The following NPHP4 variants were observed in gnomAD, a reference collection of about 807,000 sequenced individuals.
NPHP4 encodes nephrocystin 4, also known as nephrocystin-4.
Under a neutral mutation model 155.8 loss-of-function variants are expected in NPHP4, and 151 were observed. The observed-to-expected ratio is 0.97, with a 90% CI of 0.85 to 1.11. The LOEUF (loss-of-function observed/expected upper bound fraction) is 1.11, where lower values mean the gene tolerates loss of function less well. Among genes scored for constraint, NPHP4 ranks in the 50% least tolerant of loss-of-function variants. The pLI is 0.00. For synonymous variants in NPHP4, 845 were observed against 816.8 expected, an observed-to-expected ratio of 1.03 and a Z score of -0.59; for missense variants, 1,956 against 1,925.7, an observed-to-expected ratio of 1.02 and a Z score of -0.29.
Position 5,889,484 on chromosome 1 carries a change from G to A in NPHP4, c.2304+1384C>T, listed in dbSNP as rs1644001487. ...TGTTTAAGGGGCTCTTCGTGTAGGG[G>A]GAGATCAAATGGCTTCCGTCTCCAG... On this transcript the variant is annotated intron_variant, in intron 17 of 29. Transcript: ENST00000378156. The surrounding 1 kb of genome is among the most constrained non-coding windows in gnomAD (Gnocchi z 4.2). Among the ~76,000 whole-genome samples the A allele has an allele frequency of 6.6e-6, 1 of 151,830 alleles. No homozygotes were observed.
intron 6 of NPHP4, 39 bp downstream of exon 6, chr1:5,961,755 C>T (rs1650367813): frequency 6.3e-7 from 1 of 1,590,236 alleles, no homozygotes; most frequent in Non-Finnish European, 8.6e-7. Flanking sequence ...CTAGGACAGA[C>T]TCACCTCACC....
intron 9 of NPHP4, among the ~76,000 whole-genome samples, chr1:5,936,725 A>T (rs1300344371): frequency 6.6e-6 from 1 of 152,236 alleles, no homozygotes; most frequent in Admixed American, 6.5e-5. Flanking sequence ...CCGCTCACAG[A>T]AAACAGGCCC....
At chr1:5,964,943 T>TATA (rs1429197471) in intron 5 of NPHP4, among the ~76,000 whole-genome samples, 1 of 52,434 alleles carries the variant, frequency 1.9e-5, no homozygotes, top group Non-Finnish European at 4.0e-5. Flanking sequence ...ATATATATAT[T>TATA]TTTTTTTTTT....
At chr1:5,961,757 C>A (rs3747986) in intron 6 of NPHP4, 37 bp downstream of exon 6, 3 of 1,591,520 alleles carry the variant, frequency 1.9e-6, no homozygotes, top group Non-Finnish European at 2.6e-6. Flanking sequence ...AGGACAGACT[C>A]ACCTCACCAA....
chr1:5,945,631 C>T (rs1190373255), intron 9 of NPHP4, among the ~76,000 whole-genome samples: 1 of 152,176 alleles, frequency 6.6e-6, no homozygotes, highest in Non-Finnish European at 1.5e-5. Flanking sequence ...ACCCTAAGAC[C>T]GTCCTCAGCA....
chr1:5,918,294 A>C (rs576651608), intron 11 of NPHP4, among the ~76,000 whole-genome samples: 2 of 152,356 alleles, frequency 1.3e-5, no homozygotes, highest in African/African-American at 4.8e-5. Context: ...AAATGTGGGA[A>C]TATTTAAAGA....
intron 18 of NPHP4, 199 bp from the exon 19 acceptor site, chr1:5,880,438 G>C (rs1282977431): frequency 1.8e-6 from 1 of 570,228 alleles, no homozygotes; most frequent in Non-Finnish European, 3.1e-6. Context: ...CTTTCAGCTA[G>C]GTCTTCATTC....
chr1:5,978,696 A>C (rs922624408), intron 2 of NPHP4, among the ~76,000 whole-genome samples: 6 of 152,136 alleles, frequency 3.9e-5, no homozygotes, highest in African/African-American at 1.4e-4. Flanking sequence ...TGACCACAGG[A>C]GACACATGCG....
intron 3 of NPHP4, among the ~76,000 whole-genome samples, chr1:5,975,687 G>C (rs969026299): frequency 2.6e-5 from 4 of 152,188 alleles, no homozygotes; most frequent in Admixed American, 6.5e-5. Flanking sequence ...CCAGCTCCTA[G>C]TCTCCCTAAC....
At chr1:5,912,739 A>C (rs927188744) in intron 11 of NPHP4, among the ~76,000 whole-genome samples, 1 of 152,110 alleles carries the variant, frequency 6.6e-6, no homozygotes, top group African/African-American at 2.4e-5. Flanking sequence ...TCCCTGATGG[A>C]GCCTGAAGTA....
chr1:5,905,275 A>T lies in NPHP4; in HGVS notation c.1955+17T>A, dbSNP rs1440305949. ...AATGTGAAAGCCAGATGAGTAACAGAATATTCAAGGATTTACCTGCTAAAG... is the reference window on the plus strand; with the variant it reads ...AATGTGAAAGCCAGATGAGTAACAGTATATTCAAGGATTTACCTGCTAAAG... On this transcript the variant is annotated intron_variant, in intron 15 of 29. Transcript: ENST00000378156. The surrounding 1 kb of genome is among the most constrained non-coding windows in gnomAD (Gnocchi z 4.0). The T allele has an allele frequency of 6.3e-7, 1 of 1,596,886 alleles. No homozygotes were observed. The highest frequency in any genetic ancestry group is 2.2e-5 in the East Asian group (1 of 44,806).
At position 5,905,269 on chromosome 1, in the gene NPHP4, T is replaced by A; in HGVS notation, c.1955+23A>T. On this transcript the variant is annotated intron_variant, in intron 15 of 29. Transcript: ENST00000378156. This position sits in a 1 kb window ranked among gnomAD's most constrained non-coding sequence, Gnocchi z 4.0. ...ACAGGAAATGTGAAAGCCAGATGAG[T>A]AACAGAATATTCAAGGATTTACCTG... 1.3e-6 allele frequency: 2 copies of A among 1,584,680 alleles called. No homozygotes were observed. Among genetic ancestry groups the A allele is most frequent in the Non-Finnish European group, 1.7e-6 (2 of 1,153,234 alleles).
intron 11 of NPHP4, among the ~76,000 whole-genome samples, chr1:5,912,252 C>T (rs556036006): frequency 1.3e-5 from 2 of 152,134 alleles, no homozygotes; most frequent in African/African-American, 2.4e-5. Context: ...TAAAAAGTGA[C>T]GATAGGCCGG....
rs191062831 is a variant in NPHP4, at chr1:5,864,357, C to A, written c.3977G>T (p.Arg1326Leu). 3 of 1,607,022 alleles carry A rather than the reference C, an allele frequency of 1.9e-6. No homozygotes were observed. The highest frequency in any genetic ancestry group is 2.5e-6 in the Non-Finnish European group (3 of 1,176,620). Residue 1326 changes from arginine to leucine, a missense_variant, in exon 28 of 30, where the codon CGC becomes CTC. Transcript: ENST00000378156. ...ACAGACCTTGGAGATGAGCGGCTGG[C>A]GGCAGCAGAGGCACACGAGCCAGGA... ...VASWLVCLCC[R>L]QPLISKAFEI...
At chr1:5,866,255 G>A (rs765652293) in intron 26 of NPHP4, 118 bp downstream of exon 26, 11 of 755,122 alleles carry the variant, frequency 1.5e-5, no homozygotes, top group East Asian at 2.7e-5. Flanking sequence ...GCGAAGGCCC[G>A]AAAGCTCCCC....
At chr1:5,969,453 A>T (rs1210919120) in intron 3 of NPHP4, among the ~76,000 whole-genome samples, 194 bp from the exon 4 acceptor site, 1 of 152,116 alleles carries the variant, frequency 6.6e-6, no homozygotes, top group Non-Finnish European at 1.5e-5. Context: ...ACTCCCTCAG[A>T]CTGAAATGTT....
chr1:5,867,378 AACACAGCTCCCTG>A lies in NPHP4; in HGVS notation c.3473-276_3473-264del, dbSNP rs973800532. The A allele has an allele frequency of 1.8e-6, 1 of 541,360 alleles. No individual in the cohort carries two copies. Among genetic ancestry groups the A allele is most frequent in the African/African-American group, 1.9e-5 (1 of 53,026 alleles). The allele number at this position is 541,360 out of a possible 1,614,324, so 33.5% of individuals were successfully genotyped here. A position where few individuals can be genotyped will look rare whatever the true frequency, so the allele number is the denominator to read the frequency against. On this transcript the variant is annotated intron_variant, in intron 24 of 29. Transcript: ENST00000378156. This position sits in a 1 kb window ranked among gnomAD's most constrained non-coding sequence, Gnocchi z 4.1. ...TAATCGAGGGGGCCACAAAAAAGAAAACACAGCTCCCTGGAGCAGGGAAGCCTGCACTCTGCTG... is the reference window on the plus strand; with the variant it reads ...TAATCGAGGGGGCCACAAAAAAGAAAGAGCAGGGAAGCCTGCACTCTGCTG...
Position 5,923,088 on chromosome 1 carries a change from A to G in NPHP4, c.1441+4561T>C, listed in dbSNP as rs1306007753. ...AAAGACACACCAGGCGGAGAGCATG[A>G]GCCAAGACTCAAAAGTCCGGAAAAC... On this transcript the variant is annotated intron_variant, in intron 11 of 29. Coordinates refer to ENST00000378156, the MANE Select transcript of NPHP4 (RefSeq NM_015102.5). 2.0e-5 allele frequency among the ~76,000 whole-genome samples: 3 copies of G among 152,230 alleles called. No homozygotes were observed. The East Asian group carries it at 5.8e-4, about 29-fold the overall frequency.
At chr1:5,864,249 G>A (rs1640953077) in intron 28 of NPHP4, 89 bp downstream of exon 28, 5 of 1,314,956 alleles carry the variant, frequency 3.8e-6, no homozygotes, top group Admixed American at 4.5e-5. Flanking sequence ...GTATCCAGTG[G>A]TCCGAGTCAC....
Sources: allele counts gnomAD v4.1 joint callset (sites outside exome capture counted in the v4.1 genomes callset), GRCh38; gene constraint gnomAD v4.1.1; non-coding constraint Gnocchi (gnomAD v3.1); transcripts MANE v1.5; gene names NCBI Gene and HGNC (gene_info 2026-07-23, HGNC 2026-07-21).